CDH18: variants seen among roughly 807,000 people sequenced by gnomAD.
CDH18 encodes the protein cadherin 18, also known as cadherin-18.
CDH18 carries 31 observed loss-of-function variants against 67.9 expected under a neutral mutation model. The ratio of observed to expected loss-of-function variants is 0.46; its 90% CI spans 0.34 to 0.62. The LOEUF (loss-of-function observed/expected upper bound fraction) is 0.62. CDH18 is among the 20% of genes least tolerant of loss of function. CDH18 has a pLI of 0.01. For missense variants in CDH18, 890 were observed against 975.5 expected (o/e 0.91, Z 1.17); for synonymous variants, 362 against 347.2 (o/e 1.04, Z -0.48).
chr5:20,328,011 C>A, intron 1 of CDH18, among the ~76,000 whole-genome samples: 1 of 151,952 alleles, frequency 6.6e-6, no homozygotes, highest in Non-Finnish European at 1.5e-5. Context: ...ATGCAAAAGT[C>A]CTGGGGAATA....
In CDH18 at chr5:19,654,328, A is replaced by G. The variant is rs1756024005; in HGVS notation, c.644-41727T>C. ...ACTAAAAAGTGAAAATCCTGTCTAC[A>G]CCAGTATATTTGAAACTACAATATG... is the stretch of plus-strand genomic sequence containing the variant. On this transcript the variant is annotated intron_variant, in intron 5 of 12. Transcript: ENST00000382275. Among the ~76,000 whole-genome samples, 4 of 152,204 alleles carry G rather than the reference A, an allele frequency of 2.6e-5. No homozygotes were observed. In the South Asian group the frequency reaches 8.3e-4, roughly 32 times the overall value.
intron 3 of CDH18, among the ~76,000 whole-genome samples, chr5:19,833,546 T>G (rs568521235): frequency 2.0e-5 from 3 of 152,292 alleles, no homozygotes; most frequent in Non-Finnish European, 4.4e-5. Flanking sequence ...GGCCAGAACT[T>G]CCAATACTAT....
intron 5 of CDH18, among the ~76,000 whole-genome samples, chr5:19,648,205 G>A (rs374169700): frequency 6.7e-5 from 10 of 150,226 alleles, no homozygotes; most frequent in East Asian, 2.0e-4. Flanking sequence ...ACTTTAGGTC[G>A]GTAGTTCGAG....
chr5:19,738,566 C>T (rs774864800), intron 4 of CDH18, among the ~76,000 whole-genome samples: 3 of 152,054 alleles, frequency 2.0e-5, no homozygotes, highest in Non-Finnish European at 4.4e-5. Flanking sequence ...ACATGATGTA[C>T]CAATTAAATC....
chr5:19,987,253 AACAC>A (rs10654722), intron 1 of CDH18, among the ~76,000 whole-genome samples: 2,830 of 144,304 alleles, frequency 0.02, 29 homozygotes, highest in Non-Finnish European at 0.028. Flanking sequence ...CTGTACAGAC[AACAC>A]ACACACACAC....
chr5:19,870,371 A>G (rs1347805229), intron 2 of CDH18, among the ~76,000 whole-genome samples: 1 of 152,152 alleles, frequency 6.6e-6, no homozygotes, highest in African/African-American at 2.4e-5. Flanking sequence ...TTTGGGAGAA[A>G]AGATAGTTTT....
intron 2 of CDH18, among the ~76,000 whole-genome samples, chr5:20,175,697 G>A (rs1050307371): frequency 2.6e-5 from 4 of 152,050 alleles, no homozygotes; most frequent in African/African-American, 9.7e-5. Flanking sequence ...ATGTTCAAGG[G>A]CTGGGAACAT....
chr5:20,515,723 T>C (rs1245308509), intron 1 of CDH18, among the ~76,000 whole-genome samples: 1 of 152,030 alleles, frequency 6.6e-6, no homozygotes, highest in African/African-American at 2.4e-5. Flanking sequence ...AATTACTAGC[T>C]AATTGAATTC....
chr5:20,153,674 C>A (rs943131755), intron 2 of CDH18, among the ~76,000 whole-genome samples: 1 of 152,206 alleles, frequency 6.6e-6, no homozygotes, highest in South Asian at 2.1e-4. Context: ...AAAGGCTTCT[C>A]TTCCTGTCTT....
chr5:20,390,701 G>A (rs535242607), intron 1 of CDH18, among the ~76,000 whole-genome samples: 153 of 152,166 alleles, frequency 1.0e-3, no homozygotes, highest in African/African-American at 3.3e-3. Flanking sequence ...TGTTTATTGC[G>A]GCACTATTCA....
At chr5:19,651,091 T>G (rs948550920) in intron 5 of CDH18, among the ~76,000 whole-genome samples, 11 of 152,108 alleles carry the variant, frequency 7.2e-5, no homozygotes, top group African/African-American at 2.6e-4. Context: ...TACCTAATAA[T>G]AGTTTAGTAA....
chr5:19,937,565 A>C (rs781202415), intron 2 of CDH18, among the ~76,000 whole-genome samples: 2 of 151,484 alleles, frequency 1.3e-5, no homozygotes, highest in Admixed American at 1.3e-4. Context: ...CAAACATATA[A>C]CCACACATGC....
chr5:19,650,958 T>C (rs976753344), intron 5 of CDH18, among the ~76,000 whole-genome samples: 5 of 152,062 alleles, frequency 3.3e-5, no homozygotes, highest in Admixed American at 6.6e-5. Flanking sequence ...GTTGAACTTA[T>C]GATAATTATT....
intron 1 of CDH18, among the ~76,000 whole-genome samples, chr5:20,368,474 G>A (rs1742699489): frequency 6.6e-6 from 1 of 152,148 alleles, no homozygotes; most frequent in Admixed American, 6.6e-5. Flanking sequence ...AAGAAAAGGA[G>A]TAGACAGAAA....
intron 2 of CDH18, among the ~76,000 whole-genome samples, chr5:20,219,187 A>G (rs529805115): frequency 1.4e-4 from 21 of 151,982 alleles, no homozygotes; most frequent in Non-Finnish European, 5.9e-5. Context: ...TTGAAATTCA[A>G]GGGATCATTA....
At chr5:20,466,844 T>A (rs1751665429) in intron 1 of CDH18, among the ~76,000 whole-genome samples, 2 of 152,088 alleles carry the variant, frequency 1.3e-5, no homozygotes, top group South Asian at 2.1e-4. Context: ...TCTAGCAAAC[T>A]TAAGATCTTA....
At chr5:20,447,589 T>TA (rs1750099659) in intron 1 of CDH18, among the ~76,000 whole-genome samples, 2 of 152,312 alleles carry the variant, frequency 1.3e-5, no homozygotes, top group East Asian at 3.9e-4. Flanking sequence ...TTCTAGAAGT[T>TA]AACCAGTCTC....
At chr5:20,213,417 CTTTTAGTCGAA>C (rs1740510149) in intron 2 of CDH18, among the ~76,000 whole-genome samples, 1 of 152,034 alleles carries the variant, frequency 6.6e-6, no homozygotes. Context: ...GGAGAATTCC[CTTTTAGTCGAA>C]TTTTTGGAAT....
intron 2 of CDH18, among the ~76,000 whole-genome samples, chr5:19,844,160 C>T (rs574028968): frequency 6.6e-6 from 1 of 152,132 alleles, no homozygotes; most frequent in East Asian, 1.9e-4. Context: ...TACAATCGTG[C>T]TTTGAAATGT....
Sources: allele counts gnomAD v4.1 joint callset (sites outside exome capture counted in the v4.1 genomes callset), GRCh38; gene constraint gnomAD v4.1.1; transcripts MANE v1.5; gene names NCBI Gene and HGNC (gene_info 2026-07-23, HGNC 2026-07-21).